The following PTPRK variants were observed in gnomAD, a reference collection of about 807,000 sequenced individuals.
PTPRK encodes the protein protein tyrosine phosphatase receptor type K, also known as receptor-type tyrosine-protein phosphatase kappa.
A neutral mutation model predicts 178.0 loss-of-function variants in PTPRK; 75 were observed. The observed-to-expected ratio is 0.42, with a 90% CI of 0.35 to 0.51. PTPRK has a LOEUF of 0.51. PTPRK is among the 20% of genes least tolerant of loss of function. The pLI, the probability that PTPRK is intolerant of heterozygous loss-of-function variation, is 0.02. For missense variants in PTPRK, 1,441 were observed against 1,797.8 expected, an observed-to-expected ratio of 0.80 and a Z score of 3.59; for synonymous variants, 637 against 620.6, an observed-to-expected ratio of 1.03 and a Z score of -0.39.
chr6:128,235,080 T>C (rs1191813631), intron 5 of PTPRK, among the ~76,000 whole-genome samples: 1 of 152,180 alleles, frequency 6.6e-6, no homozygotes, highest in Admixed American at 6.5e-5. Context: ...CCTAATTGGA[T>C]CATTACACAT....
rs1849546243 is a variant in PTPRK, at chr6:128,464,638, C to CATATATATATATATATGTATAT, written c.100+55620_100+55621insATATACATATATATATATATAT. Among the ~76,000 whole-genome samples, 11 of 48,608 alleles carry CATATATATATATATATGTATAT rather than the reference C, an allele frequency of 2.3e-4. 3 individuals are homozygous for CATATATATATATATATGTATAT. The East Asian group carries it at 6.5e-3, about 29-fold the overall frequency. 31.9% of individuals were successfully genotyped at this position (48,608 alleles called of 152,430 possible). A position where few individuals can be genotyped will look rare whatever the true frequency, so the allele number is the denominator to read the frequency against. ...ACATATACATATATATATATATACA[C>CATATATATATATATATGTATAT]ATATATATATATATATATATATATA... is the stretch of plus-strand genomic sequence containing the variant. On this transcript the variant is annotated intron_variant, in intron 1 of 29. Coordinates refer to ENST00000368226, the MANE Select transcript of PTPRK (RefSeq NM_002844.4).
At chr6:128,506,469 T>C (rs1856357067) in intron 1 of PTPRK, among the ~76,000 whole-genome samples, 1 of 151,936 alleles carries the variant, frequency 6.6e-6, no homozygotes, top group Admixed American at 6.6e-5. Context: ...TAGGTTTTTA[T>C]ACATGGCAAG....
chr6:128,463,837 C>T (rs745890620), intron 1 of PTPRK, among the ~76,000 whole-genome samples: 5 of 150,236 alleles, frequency 3.3e-5, no homozygotes, highest in Non-Finnish European at 5.9e-5. Context: ...CTGCAACGCC[C>T]GCCTCCAGGG....
Position 127,976,644 on chromosome 6 carries a change from G to C in PTPRK, c.3969+13C>G. The C allele has an allele frequency of 6.2e-7, 1 of 1,613,798 alleles. No homozygotes were observed. Among genetic ancestry groups the C allele is most frequent in the Non-Finnish European group, 8.5e-7 (1 of 1,179,900 alleles). On this transcript the variant is annotated intron_variant, in intron 27 of 29. Transcript: ENST00000368226. ...TATTCTAGATCAGCTCAAAGGATCCGATAGTGACTTACTCTTGTTAGATTG... is the reference window on the plus strand; with the variant it reads ...TATTCTAGATCAGCTCAAAGGATCCCATAGTGACTTACTCTTGTTAGATTG...
At chr6:128,288,342 A>T (rs1408325481) in intron 3 of PTPRK, among the ~76,000 whole-genome samples, 1 of 152,162 alleles carries the variant, frequency 6.6e-6, no homozygotes. Context: ...GTCTACATCT[A>T]TACGCTTTGG....
chr6:128,451,095 C>T (rs1360980679), intron 1 of PTPRK, among the ~76,000 whole-genome samples: 2 of 152,128 alleles, frequency 1.3e-5, no homozygotes, highest in Admixed American at 6.6e-5. Context: ...AAGCCAAAAA[C>T]GGTATACTAA....
chr6:128,158,971 T>C (rs747994353), intron 7 of PTPRK, among the ~76,000 whole-genome samples: 1 of 151,898 alleles, frequency 6.6e-6, no homozygotes, highest in Non-Finnish European at 1.5e-5. Flanking sequence ...TCAAGACTAA[T>C]ACAGATCAAA....
intron 2 of PTPRK, among the ~76,000 whole-genome samples, chr6:128,365,811 A>G (rs932361242): frequency 5.3e-5 from 8 of 152,146 alleles, no homozygotes; most frequent in African/African-American, 1.9e-4. Flanking sequence ...AAAACCTGAT[A>G]AGACTGGTTT....
At chr6:128,294,398 C>G (rs1041366162) in intron 3 of PTPRK, among the ~76,000 whole-genome samples, 1 of 151,970 alleles carries the variant, frequency 6.6e-6, no homozygotes, top group African/African-American at 2.4e-5. Flanking sequence ...CTCCAGTGTA[C>G]CCTGAAGTAG....
At chr6:128,083,949 TA>T (rs1379680488) in intron 8 of PTPRK, 125 bp from the exon 9 acceptor site, 2 of 477,420 alleles carry the variant, frequency 4.2e-6, no homozygotes, top group African/African-American at 4.0e-5. Flanking sequence ...AATGTGTCCT[TA>T]AAAACAAAAT....
chr6:128,513,184 A>T (rs1216546778), intron 1 of PTPRK, among the ~76,000 whole-genome samples: 3 of 152,140 alleles, frequency 2.0e-5, no homozygotes, highest in Non-Finnish European at 2.9e-5. Context: ...GTAAATATTG[A>T]TCAGAAATAT....
intron 2 of PTPRK, among the ~76,000 whole-genome samples, chr6:128,342,438 T>C (rs565957302): frequency 3.9e-5 from 6 of 152,192 alleles, no homozygotes; most frequent in African/African-American, 1.4e-4. Flanking sequence ...AAGCCAATTC[T>C]ACAAAAAATT....
chr6:128,485,148 C>A (rs1400242198), intron 1 of PTPRK, among the ~76,000 whole-genome samples: 1 of 152,136 alleles, frequency 6.6e-6, no homozygotes, highest in Non-Finnish European at 1.5e-5. Flanking sequence ...ATCAGAAATA[C>A]CTAGTTGTCT....
At chr6:128,299,778 A>G (rs1437238523) in intron 3 of PTPRK, among the ~76,000 whole-genome samples, 2 of 152,172 alleles carry the variant, frequency 1.3e-5, no homozygotes, top group Non-Finnish European at 2.9e-5. Context: ...CCCAGAAGAA[A>G]ACCTAGGCAT....
chr6:128,333,204 C>A (rs1314046808), intron 2 of PTPRK, among the ~76,000 whole-genome samples: 1 of 152,180 alleles, frequency 6.6e-6, no homozygotes, highest in Non-Finnish European at 1.5e-5. Context: ...TCCCTGGAAA[C>A]TGCCTGAAGA....
At chr6:128,205,484 TCA>T (rs1354158707) in intron 6 of PTPRK, among the ~76,000 whole-genome samples, 2 of 152,006 alleles carry the variant, frequency 1.3e-5, no homozygotes, top group Non-Finnish European at 2.9e-5. Context: ...GCGTGGTGGC[TCA>T]CGCCTATAAT....
At chr6:128,003,145 C>T (rs939381758) in intron 15 of PTPRK, 8 of 1,535,444 alleles carry the variant, frequency 5.2e-6, no homozygotes, top group Non-Finnish European at 7.1e-6. Flanking sequence ...CAAACCCATG[C>T]AAGGAGGTGT....
At chr6:127,993,631 T>C (rs551065887) in intron 18 of PTPRK, among the ~76,000 whole-genome samples, 32 of 151,794 alleles carry the variant, frequency 2.1e-4, no homozygotes, top group Admixed American at 5.9e-4. Flanking sequence ...TATTACGTTA[T>C]TGCAAATTTG....
chr6:127,970,229 A>C lies in PTPRK; in HGVS notation c.4321T>G (p.Ter1441GluextTer6). 1 of 1,607,718 alleles carries C rather than the reference A, an allele frequency of 6.2e-7. No homozygotes were observed. The highest frequency in any genetic ancestry group is 1.1e-5 in the South Asian group (1 of 90,504). The change falls in exon 30 of 30, where the codon TAG (stop) becomes GAG (glutamate). Residue 1441 changes from the stop codon to glutamate (E), a stop_lost. Coordinates refer to ENST00000368226, the MANE Select transcript of PTPRK (RefSeq NM_002844.4). ...DVALEYLESS[*>E] ...GCACTTTAAAGAGTCTCACCCAACT[A>C]AGATGATTCCAGGTACTCCAAAGCT... is the stretch of plus-strand genomic sequence containing the variant.
Sources: gnomAD v4.1 joint callset for allele counts (sites outside exome capture counted in the v4.1 genomes callset) on GRCh38, gnomAD v4.1.1 for gene constraint, MANE v1.5 for transcripts, NCBI Gene and HGNC (gene_info 2026-07-23, HGNC 2026-07-21) for gene names.